Variants in GPHN observed in about 807,000 individuals in gnomAD.
GPHN encodes gephyrin.
Under a neutral mutation model 95.5 loss-of-function variants are expected in GPHN, and 17 were observed. The ratio of observed to expected loss-of-function variants is 0.18; its 90% confidence interval spans 0.12 to 0.27. GPHN has a LOEUF of 0.27. Among genes scored for constraint, GPHN ranks in the 10% least tolerant of loss-of-function variants. GPHN has a pLI of 1.00. For missense variants in GPHN, 660 were observed against 978.1 expected (o/e 0.67, Z 4.34); for synonymous variants, 320 against 322.5 (o/e 0.99, Z 0.08).
rs79923635 is a variant in GPHN, at chr14:66,639,307, C to T, written c.65-41800C>T. ...AGCTAAAGGTTTAAAAAAAATTCAT[C>T]AGGTGTGCTGTATTTTGATGATGTC... On this transcript the variant is annotated intron_variant, in intron 1 of 22. Coordinates refer to ENST00000478722, the MANE Select transcript of GPHN (RefSeq NM_020806.5). Among the ~76,000 whole-genome samples, 555 of 152,082 alleles carry T rather than the reference C, an allele frequency of 3.6e-3. 12 individuals are homozygous for T. Among genetic ancestry groups the T allele is most frequent in the African/African-American group, 0.013 (529 of 41,496 alleles).
At chr14:66,831,077 T>C (rs2061561583) in intron 4 of GPHN, among the ~76,000 whole-genome samples, 1 of 152,076 alleles carries the variant, frequency 6.6e-6, no homozygotes, top group African/African-American at 2.4e-5. Context: ...ACTAACAACA[T>C]GTTAATGATT....
chr14:66,666,893 G>A (rs1197934772), intron 1 of GPHN, among the ~76,000 whole-genome samples: 2 of 152,150 alleles, frequency 1.3e-5, no homozygotes, highest in Non-Finnish European at 2.9e-5. Flanking sequence ...AACCCCAGTC[G>A]TCTCAGCCCA....
intron 10 of GPHN, among the ~76,000 whole-genome samples, chr14:67,056,811 T>TGGGGGGG (rs113249755): frequency 9.6e-5 from 10 of 103,862 alleles, no homozygotes; most frequent in Admixed American, 2.8e-4. Context: ...ACAGTGGGGG[T>TGGGGGGG]GGGGGGGGGT....
chr14:66,667,548 G>A (rs2066039177), intron 1 of GPHN, among the ~76,000 whole-genome samples: 1 of 152,132 alleles, frequency 6.6e-6, no homozygotes, highest in Non-Finnish European at 1.5e-5. Context: ...AACAAGCAAT[G>A]GGGAAAGGAT....
chr14:67,524,635 G>A, the GPHN span, among the ~76,000 whole-genome samples: 1 of 152,106 alleles, frequency 6.6e-6, no homozygotes, highest in East Asian at 1.9e-4. Context: ...TTGCGAGATG[G>A]GCTTGAATTA....
intron 3 of GPHN, among the ~76,000 whole-genome samples, chr14:66,798,276 A>G (rs774969273): frequency 2.6e-5 from 4 of 151,790 alleles, no homozygotes; most frequent in Non-Finnish European, 5.9e-5. Context: ...ATATTGGCCT[A>G]TAGTTTTCTT....
the GPHN span, chr14:67,717,833 G>A: frequency 6.6e-6 from 1 of 152,208 alleles, no homozygotes. Flanking sequence ...AGAGACCAAG[G>A]TGGAAGGATC....
At chr14:66,588,407 T>G (rs7157965) in intron 1 of GPHN, among the ~76,000 whole-genome samples, 49,734 of 151,842 alleles carry the variant, frequency 0.33, 11,984 homozygotes, top group African/African-American at 0.66. Flanking sequence ...ATTGACAAAA[T>G]TAGGCTTCAG....
At chr14:67,468,656 G>A in the GPHN span, among the ~76,000 whole-genome samples, 1 of 152,168 alleles carries the variant, frequency 6.6e-6, no homozygotes, top group African/African-American at 2.4e-5. Context: ...CACTTTGGGA[G>A]GCCGAGGCGG....
At chr14:67,142,051 C>A in intron 17 of GPHN, among the ~76,000 whole-genome samples, 2 of 152,072 alleles carry the variant, frequency 1.3e-5, no homozygotes, top group African/African-American at 4.8e-5. Context: ...AACCCAAGAG[C>A]AAGAATACAG....
At chr14:67,642,793 C>CTTTTT in the GPHN span, among the ~76,000 whole-genome samples, 354 of 75,548 alleles carry the variant, frequency 4.7e-3, 101 homozygotes, top group Middle Eastern at 0.014. Flanking sequence ...ACTACATTTT[C>CTTTTT]TTTTTTTTTT....
At chr14:67,323,898 C>A in the GPHN span, 1 of 702,082 alleles carries the variant, frequency 1.4e-6, no homozygotes, top group Non-Finnish European at 2.4e-6. Context: ...TTAAAAGCTA[C>A]ATTAGCTTGA....
chr14:66,765,402 A>G (rs907472736), intron 2 of GPHN, among the ~76,000 whole-genome samples: 1 of 152,228 alleles, frequency 6.6e-6, no homozygotes, highest in African/African-American at 2.4e-5. Context: ...TAACAAAGAC[A>G]TGGAATCATT....
intron 1 of GPHN, among the ~76,000 whole-genome samples, chr14:66,607,463 T>G (rs1244249041): frequency 6.6e-6 from 1 of 151,994 alleles, no homozygotes; most frequent in Non-Finnish European, 1.5e-5. Context: ...TTTTCTTTTT[T>G]GTTGTGTCTT....
chr14:67,359,352 C>G, the GPHN span, among the ~76,000 whole-genome samples: 1 of 152,162 alleles, frequency 6.6e-6, no homozygotes, highest in Non-Finnish European at 1.5e-5. Flanking sequence ...AATCCAGTGC[C>G]CGGCTCAATA....
intron 9 of GPHN, among the ~76,000 whole-genome samples, chr14:67,008,779 T>C (rs1237249777): frequency 6.6e-6 from 1 of 152,088 alleles, no homozygotes; most frequent in Non-Finnish European, 1.5e-5. Context: ...ACTTCTGGGT[T>C]CAAGCAATCC....
At chr14:67,376,602 T>G in the GPHN span, 1 of 1,611,168 alleles carries the variant, frequency 6.2e-7, no homozygotes, top group Non-Finnish European at 8.5e-7. Flanking sequence ...TAAGAATACC[T>G]TCTTGACTCT....
At chr14:67,050,631 G>T (rs1207649201) in intron 10 of GPHN, among the ~76,000 whole-genome samples, 1 of 152,058 alleles carries the variant, frequency 6.6e-6, no homozygotes, top group Non-Finnish European at 1.5e-5. Context: ...ATTCCTGCCA[G>T]TAGATAACCA....
intron 1 of GPHN, among the ~76,000 whole-genome samples, chr14:66,616,544 A>T (rs1228671700): frequency 6.6e-6 from 1 of 151,712 alleles, no homozygotes; most frequent in Non-Finnish European, 1.5e-5. Flanking sequence ...GTGCCTGGAG[A>T]TGTCACTCAA....
Sources: gnomAD v4.1 joint callset for allele counts (sites outside exome capture counted in the v4.1 genomes callset) on GRCh38, gnomAD v4.1.1 for gene constraint, MANE v1.5 for transcripts, NCBI Gene and HGNC (gene_info 2026-07-23, HGNC 2026-07-21) for gene names.